CLYBL: variants seen among roughly 807,000 people sequenced by gnomAD.
CLYBL encodes citramalyl-CoA lyase, mitochondrial.
CLYBL carries 31 observed loss-of-function variants against 38.9 expected under a neutral mutation model. That is an observed-to-expected ratio of 0.80 (90% confidence interval 0.60 to 1.08). CLYBL has a LOEUF of 1.08. Ranked by LOEUF, CLYBL falls within the 50% of genes least tolerant of loss-of-function variation. The pLI, the probability that CLYBL is intolerant of heterozygous loss-of-function variation, is 0.00. For missense variants in CLYBL, 434 were observed against 411.6 expected (o/e 1.05, Z -0.47); for synonymous variants, 171 against 158.6 (o/e 1.08, Z -0.59).
At chr13:99,713,911 C>T (rs559014542) in intron 1 of CLYBL, among the ~76,000 whole-genome samples, 3 of 152,238 alleles carry the variant, frequency 2.0e-5, no homozygotes, top group African/African-American at 7.2e-5. Context: ...TGGTCTCAAA[C>T]TCCTGGGCTC....
At chr13:99,795,949 G>A (rs985797051) in intron 2 of CLYBL, among the ~76,000 whole-genome samples, 10 of 152,210 alleles carry the variant, frequency 6.6e-5, no homozygotes, top group Admixed American at 4.6e-4. Flanking sequence ...GCATGGGGCA[G>A]GGTGGAATGT....
chr13:99,686,800 G>A (rs894100596), intron 1 of CLYBL, among the ~76,000 whole-genome samples: 2 of 152,104 alleles, frequency 1.3e-5, no homozygotes, highest in African/African-American at 2.4e-5. Flanking sequence ...AGTTGGGGAC[G>A]AGCTATGCCA....
At chr13:99,876,677 G>A (rs969304468) in intron 7 of CLYBL, among the ~76,000 whole-genome samples, 2 of 152,180 alleles carry the variant, frequency 1.3e-5, no homozygotes, top group South Asian at 4.1e-4. Context: ...CAGAAACCCA[G>A]CAAGGCTTCA....
intron 7 of CLYBL, among the ~76,000 whole-genome samples, chr13:99,875,533 C>T (rs1368817253): frequency 2.6e-5 from 4 of 152,182 alleles, no homozygotes; most frequent in African/African-American, 9.7e-5. Context: ...GTCCAGATGG[C>T]CTTCTAGAAG....
chr13:99,837,824 C>T (rs1317222036), intron 2 of CLYBL, among the ~76,000 whole-genome samples: 3 of 152,228 alleles, frequency 2.0e-5, no homozygotes, highest in Admixed American at 6.5e-5. Context: ...AGCCCCACCA[C>T]ACACCCATCA....
intron 2 of CLYBL, among the ~76,000 whole-genome samples, chr13:99,810,103 G>A (rs968852131): frequency 5.9e-5 from 9 of 152,196 alleles, no homozygotes; most frequent in African/African-American, 2.2e-4. Context: ...GATTAACTCG[G>A]TAACTCATCA....
At position 99,864,854 on chromosome 13, in the gene CLYBL, G is replaced by C; in HGVS notation, c.577G>C (p.Val193Leu). ...CEETLKVGPQ[V>L]GLFLDAVVFG... ...AGAAACCCTGAAGGTCGGGCCTCAA[G>C]TAGGTCTCTTTCTAGATGCAGTCGT... Residue 193 changes from valine to leucine, a missense_variant, in exon 5 of 9, where the codon GTA becomes CTA. By Grantham distance (32) the Val-to-Leu change is conservative. Coordinates refer to ENST00000339105, the MANE Select transcript of CLYBL (RefSeq NM_206808.5). 1 of 1,614,068 alleles carries C rather than the reference G, an allele frequency of 6.2e-7. No individual in the cohort carries two copies. The highest frequency in any genetic ancestry group is 8.5e-7 in the Non-Finnish European group (1 of 1,179,970).
chr13:99,618,351 C>T (rs1277134388), intron 1 of CLYBL, among the ~76,000 whole-genome samples: 2 of 151,880 alleles, frequency 1.3e-5, no homozygotes, highest in Non-Finnish European at 2.9e-5. Flanking sequence ...CTCACTGCAA[C>T]CTCTGCCTCC....
chr13:99,776,481 G>A (rs1394688074), intron 2 of CLYBL, among the ~76,000 whole-genome samples: 1 of 148,422 alleles, frequency 6.7e-6, no homozygotes, highest in Non-Finnish European at 1.5e-5. Flanking sequence ...GGGTGACAGA[G>A]CAGGACTCTG....
At chr13:99,675,531 C>T (rs1339010419) in intron 1 of CLYBL, among the ~76,000 whole-genome samples, 1 of 152,144 alleles carries the variant, frequency 6.6e-6, no homozygotes, top group Non-Finnish European at 1.5e-5. Context: ...CCTCCTTTTC[C>T]CCCAAAACCC....
intron 2 of CLYBL, among the ~76,000 whole-genome samples, chr13:99,783,695 T>C (rs910542769): frequency 6.6e-6 from 1 of 152,126 alleles, no homozygotes; most frequent in Non-Finnish European, 1.5e-5. Context: ...TCCGCCCGCC[T>C]CGGCCTCCCA....
chr13:99,618,476 G>A, intron 1 of CLYBL, among the ~76,000 whole-genome samples: 1 of 151,960 alleles, frequency 6.6e-6, no homozygotes, highest in African/African-American at 2.4e-5. Context: ...CACCATGTTG[G>A]CCAGGCTGGT....
At chr13:99,664,287 T>C (rs1009539486) in intron 1 of CLYBL, among the ~76,000 whole-genome samples, 1 of 152,258 alleles carries the variant, frequency 6.6e-6, no homozygotes, top group African/African-American at 2.4e-5. Context: ...ACAATTTGTT[T>C]GCTTTTACAT....
chr13:99,765,500 C>G (rs1381194409), intron 1 of CLYBL, among the ~76,000 whole-genome samples: 1 of 151,850 alleles, frequency 6.6e-6, no homozygotes, highest in Non-Finnish European at 1.5e-5. Context: ...TTTGAATAAG[C>G]TTTCTACCCC....
rs150147219 is a variant in CLYBL at position 99,863,658 on chromosome 13, G to A, written c.540+566G>A. On this transcript the variant is annotated intron_variant, in intron 4 of 8. Transcript: ENST00000339105. ...GCTGAGCCAAGTGTTTTCAGCCGTT[G>A]TGTGGTTGCACTAAACTACCGGTCT... Among the ~76,000 whole-genome samples, 1,062 of 152,324 alleles carry A rather than the reference G, an allele frequency of 7.0e-3. 8 individuals are homozygous for A. The highest frequency in any genetic ancestry group is 1.0e-2 in the Non-Finnish European group (680 of 68,032).
intron 1 of CLYBL, among the ~76,000 whole-genome samples, chr13:99,760,978 C>T (rs2049154017): frequency 6.6e-6 from 1 of 152,122 alleles, no homozygotes; most frequent in Non-Finnish European, 1.5e-5. Context: ...TTTATCAAAC[C>T]ATATATTTAT....
At chr13:99,890,477 CT>C (rs1472926153) in intron 7 of CLYBL, among the ~76,000 whole-genome samples, 1 of 152,020 alleles carries the variant, frequency 6.6e-6, no homozygotes, top group Non-Finnish European at 1.5e-5. Flanking sequence ...GTATTTCTTT[CT>C]TTTTTGAGAT....
chr13:99,746,335 T>A (rs750301168), intron 1 of CLYBL, among the ~76,000 whole-genome samples: 6 of 149,084 alleles, frequency 4.0e-5, no homozygotes, highest in Non-Finnish European at 7.4e-5. Flanking sequence ...TAGGAAATAG[T>A]CATTTCAGCT....
rs1197116456 is a variant in CLYBL, at chr13:99,869,496, AATT to A, written c.803-1438_803-1436del. ...ATCCCTCATGTTATTCGTTCCCAGA[AATT>A]ATTCCTCAGGTAATTTAAGGAATCT... On this transcript the variant is annotated intron_variant, in intron 6 of 8. Transcript: ENST00000339105. This position sits in a 1 kb window ranked among gnomAD's most constrained non-coding sequence, Gnocchi z 4.3. Among the ~76,000 whole-genome samples, 1 of 152,190 alleles carries A rather than the reference AATT, an allele frequency of 6.6e-6. No homozygotes were observed. Among genetic ancestry groups the A allele is most frequent in the Non-Finnish European group, 1.5e-5 (1 of 68,004 alleles).
Sources: allele counts gnomAD v4.1 joint callset (sites outside exome capture counted in the v4.1 genomes callset), GRCh38; gene constraint gnomAD v4.1.1; non-coding constraint Gnocchi (gnomAD v3.1); transcripts MANE v1.5; gene names NCBI Gene and HGNC (gene_info 2026-07-23, HGNC 2026-07-21).